Variants in ADCY2 observed in about 807,000 individuals in gnomAD.
ADCY2 encodes adenylate cyclase type 2.
A neutral mutation model predicts 125.2 loss-of-function variants in ADCY2; 31 were observed. The observed-to-expected ratio is 0.25, with a 90% CI of 0.19 to 0.33. The LOEUF (loss-of-function observed/expected upper bound fraction) is 0.33. Among genes scored for constraint, ADCY2 ranks in the 10% least tolerant of loss-of-function variants. The pLI, the probability that ADCY2 is intolerant of heterozygous loss-of-function variation, is 1.00. For synonymous variants in ADCY2, 512 were observed against 548.4 expected, an observed-to-expected ratio of 0.93 and a Z score of 0.93; for missense variants, 904 against 1,418.2, an observed-to-expected ratio of 0.64 and a Z score of 5.82.
chr5:7,652,883 T>C (rs1292357595), intron 4 of ADCY2, among the ~76,000 whole-genome samples: 1 of 152,156 alleles, frequency 6.6e-6, no homozygotes, highest in Non-Finnish European at 1.5e-5. Context: ...TACATACATT[T>C]TTCAGTGAGC....
intron 2 of ADCY2, among the ~76,000 whole-genome samples, chr5:7,444,389 A>T (rs1741150556): frequency 6.6e-6 from 1 of 151,932 alleles, no homozygotes; most frequent in Non-Finnish European, 1.5e-5. Context: ...TGCTGTGATT[A>T]CAGGTGTGAG....
intron 4 of ADCY2, among the ~76,000 whole-genome samples, chr5:7,644,600 A>G (rs926556154): frequency 7.2e-5 from 11 of 152,110 alleles, no homozygotes; most frequent in African/African-American, 2.7e-4. Flanking sequence ...CATTAACACC[A>G]TAAACTCAGA....
chr5:7,809,597 T>C (rs1744869648), intron 22 of ADCY2, among the ~76,000 whole-genome samples: 1 of 152,254 alleles, frequency 6.6e-6, no homozygotes, highest in Non-Finnish European at 1.5e-5. Context: ...GAATAATGTC[T>C]TTTTCTTAAA....
In ADCY2 at chr5:7,501,649, C is replaced by CCCCCT. The variant is rs1215780372; in HGVS notation, c.409-19085_409-19084insTCCCC. Among the ~76,000 whole-genome samples, 20 of 74,742 alleles carry CCCCCT rather than the reference C, an allele frequency of 2.7e-4. 2 individuals carry two copies. The highest frequency in any genetic ancestry group is 5.0e-4 in the Non-Finnish European group (15 of 29,944). The allele number at this position is 74,742 out of a possible 152,430, so 49.0% of individuals were successfully genotyped here. A position where few individuals can be genotyped will look rare whatever the true frequency, so the allele number is the denominator to read the frequency against. ...AAAAAAGAATGAGATTCCCCCCTCCCCCCCCCCCCGCCAGTAACTTCAAGT... is the reference window on the plus strand; with the variant it reads ...AAAAAAGAATGAGATTCCCCCCTCCCCCCCTCCCCCCCCCGCCAGTAACTTCAAGT... On this transcript the variant is annotated intron_variant, in intron 2 of 24. Transcript: ENST00000338316.
chr5:7,816,753 C>A, intron 22 of ADCY2, 113 bp from the exon 23 acceptor site: 1 of 758,392 alleles, frequency 1.3e-6, no homozygotes, highest in Non-Finnish European at 2.3e-6. Flanking sequence ...TGCCTTGTAG[C>A]ATTAGAATTT....
At chr5:7,784,557 A>G (rs1347224902) in intron 19 of ADCY2, 108 bp downstream of exon 19, 3 of 759,588 alleles carry the variant, frequency 3.9e-6, no homozygotes, top group Non-Finnish European at 6.4e-6. Flanking sequence ...ACGTCTAAGA[A>G]TTAGAATCAT....
At chr5:7,506,929 G>C (rs1275935272) in intron 2 of ADCY2, among the ~76,000 whole-genome samples, 3 of 148,898 alleles carry the variant, frequency 2.0e-5, no homozygotes, top group South Asian at 2.1e-4. Context: ...CTGGGACTAC[G>C]GGCACCCGCC....
Position 7,787,613 on chromosome 5 carries a change from C to G in ADCY2, c.2470-2029C>G, listed in dbSNP as rs148121704. Among the ~76,000 whole-genome samples the G allele has an allele frequency of 6.6e-3, 1,009 of 152,194 alleles. 13 individuals are homozygous for G. The highest frequency in any genetic ancestry group is 0.023 in the African/African-American group (952 of 41,506). On this transcript the variant is annotated intron_variant, in intron 19 of 24. Transcript: ENST00000338316. ...TACATATAAGACAGAGGATTCTAAA[C>G]AGATTGCATTGCTTGGGAAGGTGAT...
chr5:7,721,137 C>G lies in ADCY2; in HGVS notation c.1704-3408C>G, dbSNP rs184973331. On this transcript the variant is annotated intron_variant, in intron 12 of 24. Coordinates refer to ENST00000338316, the MANE Select transcript of ADCY2 (RefSeq NM_020546.3). Reference sequence around the variant, plus strand: ...CATTTTGGTTTTGATTTGCATTTCTCTGATGGCCAGTGATGATGAGCATTT... The same window carrying G: ...CATTTTGGTTTTGATTTGCATTTCTGTGATGGCCAGTGATGATGAGCATTT... 3.1e-3 allele frequency among the ~76,000 whole-genome samples: 465 copies of G among 152,288 alleles called. 11 individuals carry two copies. Among genetic ancestry groups the G allele is most frequent in the Admixed American group, 0.025 (390 of 15,304 alleles).
intron 2 of ADCY2, among the ~76,000 whole-genome samples, chr5:7,472,506 A>T (rs992608080): frequency 1.3e-5 from 2 of 150,188 alleles, no homozygotes; most frequent in African/African-American, 2.5e-5. Context: ...ATGCAAGGGA[A>T]ATATGCATAT....
chr5:7,451,751 A>T (rs1741477452), intron 2 of ADCY2, among the ~76,000 whole-genome samples: 1 of 152,104 alleles, frequency 6.6e-6, no homozygotes, highest in South Asian at 2.1e-4. Flanking sequence ...TTATTTTATT[A>T]TGTCTTTATC....
At chr5:7,401,994 G>A (rs1739281517) in intron 1 of ADCY2, among the ~76,000 whole-genome samples, 1 of 152,202 alleles carries the variant, frequency 6.6e-6, no homozygotes, top group South Asian at 2.1e-4. Flanking sequence ...TAGAGCACCT[G>A]GGTTGGGGGT....
chr5:7,693,796 T>C (rs1433750061), intron 5 of ADCY2, among the ~76,000 whole-genome samples: 1 of 152,202 alleles, frequency 6.6e-6, no homozygotes, highest in Non-Finnish European at 1.5e-5. Flanking sequence ...AGGCAGCCTA[T>C]CTCAGAGCTG....
chr5:7,820,522 G>T (rs1376104319), intron 23 of ADCY2, 43 bp from the exon 24 acceptor site: 1 of 1,609,546 alleles, frequency 6.2e-7, no homozygotes. Context: ...AAAGACAATG[G>T]TTATAAGATG....
chr5:7,552,785 A>G (rs185236403), intron 3 of ADCY2, among the ~76,000 whole-genome samples: 1 of 152,212 alleles, frequency 6.6e-6, no homozygotes, highest in African/African-American at 2.4e-5. Flanking sequence ...AAAAAAGGCT[A>G]TATTTTTTCT....
intron 2 of ADCY2, among the ~76,000 whole-genome samples, chr5:7,418,647 GTTTTTTTTTTTTT>G (rs869287430): frequency 1.1e-3 from 79 of 73,770 alleles, no homozygotes; most frequent in African/African-American, 3.0e-3. Flanking sequence ...TCTACCTTCT[GTTTTTTTTTTTTT>G]TTTTTTTTTT....
chr5:7,691,223 A>G (rs1740692717), intron 5 of ADCY2: 1 of 154,646 alleles, frequency 6.5e-6, no homozygotes, highest in African/African-American at 2.4e-5. Context: ...TCCTCCAAAT[A>G]GACTTTGCAG....
intron 4 of ADCY2, among the ~76,000 whole-genome samples, chr5:7,654,708 C>T (rs1739260232): frequency 6.6e-6 from 1 of 152,168 alleles, no homozygotes; most frequent in African/African-American, 2.4e-5. Flanking sequence ...CCTTGCCCTC[C>T]ACCCATGCAA....
intron 4 of ADCY2, among the ~76,000 whole-genome samples, chr5:7,650,247 C>CACACAA (rs764028181): frequency 6.8e-6 from 1 of 148,028 alleles, no homozygotes; most frequent in African/African-American, 2.5e-5. Context: ...CACACACACA[C>CACACAA]AAACGCACAT....
Sources: gnomAD v4.1 joint callset for allele counts (sites outside exome capture counted in the v4.1 genomes callset) on GRCh38, gnomAD v4.1.1 for gene constraint, MANE v1.5 for transcripts, NCBI Gene and HGNC (gene_info 2026-07-23, HGNC 2026-07-21) for gene names.